The following DNM3 variants were observed in gnomAD, a reference collection of about 807,000 sequenced individuals.
DNM3 encodes the protein dynamin 3, also known as dynamin-3.
DNM3 carries 47 observed loss-of-function variants against 101.6 expected under a neutral mutation model. That is an observed-to-expected ratio of 0.46 (90% confidence interval 0.37 to 0.59). The LOEUF is 0.59. DNM3 is among the 20% of genes least tolerant of loss of function. The pLI is 0.00. For synonymous variants in DNM3, 385 were observed against 387.9 expected (o/e 0.99, Z 0.09); for missense variants, 849 against 1,085.7 (o/e 0.78, Z 3.06).
intron 14 of DNM3, among the ~76,000 whole-genome samples, chr1:172,206,969 G>T (rs2060344048): frequency 6.6e-6 from 1 of 151,992 alleles, no homozygotes. Flanking sequence ...CTTTGTCCAT[G>T]AGGTGCTCCT....
intron 4 of DNM3, among the ~76,000 whole-genome samples, chr1:172,003,334 C>A (rs1360097579): frequency 1.3e-5 from 2 of 151,912 alleles, no homozygotes; most frequent in Non-Finnish European, 2.9e-5. Flanking sequence ...CTAACATTTC[C>A]ATTAATGTAA....
At chr1:172,184,577 C>A (rs1169022607) in intron 14 of DNM3, among the ~76,000 whole-genome samples, 1 of 152,060 alleles carries the variant, frequency 6.6e-6, no homozygotes, top group Admixed American at 6.6e-5. Flanking sequence ...GTGCTCAGGG[C>A]CTAACTTGCC....
At chr1:171,870,430 C>A (rs2035160573) in intron 1 of DNM3, among the ~76,000 whole-genome samples, 1 of 151,854 alleles carries the variant, frequency 6.6e-6, no homozygotes, top group South Asian at 2.1e-4. Context: ...CAGAGTAAGA[C>A]TCCCTCCATC....
At chr1:171,856,079 G>T (rs2033581141) in intron 1 of DNM3, among the ~76,000 whole-genome samples, 1 of 152,102 alleles carries the variant, frequency 6.6e-6, no homozygotes, top group Non-Finnish European at 1.5e-5. Flanking sequence ...TCAATCTTCT[G>T]CATATGGCTA....
At chr1:172,167,000 A>G (rs1307300077) in intron 14 of DNM3, among the ~76,000 whole-genome samples, 1 of 151,598 alleles carries the variant, frequency 6.6e-6, no homozygotes, top group Non-Finnish European at 1.5e-5. Context: ...TACATGTGCC[A>G]TGTTGGTGTG....
rs571773722 is a variant in DNM3 at position 171,987,729 on chromosome 1, A to G, written c.309A>G (p.Ala103=). The G allele has an allele frequency of 3.1e-6, 5 of 1,604,212 alleles. No homozygotes were observed. The South Asian group carries it at 5.6e-5, about 18-fold the overall frequency. The change falls in exon 3 of 21, where the codon GCA becomes GCG. Residue 103 remains alanine (A), a synonymous_variant. Coordinates refer to ENST00000627582, the MANE Select transcript of DNM3 (RefSeq NM_015569.5). ...ATGAAGTTCGCCTTGAGATTGAAGC[A>G]GAAACAGATCGCGTGACTGGAATGA... is the stretch of plus-strand genomic sequence containing the variant. ...DFDEVRLEIE[A]ETDRVTGMNK... is the part of the protein sequence containing the mutation.
chr1:172,303,842 C>T (rs112260874), intron 15 of DNM3, among the ~76,000 whole-genome samples: 5,763 of 152,160 alleles, frequency 0.038, 343 homozygotes, highest in African/African-American at 0.12. Flanking sequence ...GAGATTTTGT[C>T]ACCACCAGAC....
chr1:171,897,816 C>T (rs2037945103), intron 1 of DNM3, among the ~76,000 whole-genome samples: 2 of 151,970 alleles, frequency 1.3e-5, no homozygotes, highest in Non-Finnish European at 2.9e-5. Flanking sequence ...TCAATTAGAC[C>T]AACTAGAAAA....
At chr1:171,927,057 GGAAA>G in intron 2 of DNM3, among the ~76,000 whole-genome samples, 1 of 152,128 alleles carries the variant, frequency 6.6e-6, no homozygotes, top group African/African-American at 2.4e-5. Context: ...GGACAGCTGG[GGAAA>G]GAAAGAAATA....
chr1:171,878,379 CTT>C (rs34181872), intron 1 of DNM3, among the ~76,000 whole-genome samples: 127 of 146,284 alleles, frequency 8.7e-4, no homozygotes, highest in Non-Finnish European at 8.0e-4. Flanking sequence ...AAATTCCTTT[CTT>C]TTTTTTTTTT....
At chr1:172,107,556 A>G (rs1310278515) in intron 13 of DNM3, among the ~76,000 whole-genome samples, 2 of 152,192 alleles carry the variant, frequency 1.3e-5, no homozygotes, top group African/African-American at 4.8e-5. Context: ...TTAGCAAAAG[A>G]CTAATTATAA....
chr1:171,944,377 A>ATTTG (rs2042016243), intron 2 of DNM3, among the ~76,000 whole-genome samples: 4 of 140,378 alleles, frequency 2.8e-5, no homozygotes, highest in African/African-American at 8.9e-5. Flanking sequence ...TTATTTATTT[A>ATTTG]TTTATTTGTT....
At chr1:172,116,150 G>A (rs2055874266) in intron 13 of DNM3, among the ~76,000 whole-genome samples, 1 of 152,124 alleles carries the variant, frequency 6.6e-6, no homozygotes. Flanking sequence ...GTTCTTTCTT[G>A]TTGGATTGTG....
intron 17 of DNM3, among the ~76,000 whole-genome samples, chr1:172,362,829 A>G (rs1021401463): frequency 1.3e-5 from 2 of 151,532 alleles, no homozygotes; most frequent in East Asian, 3.9e-4. Flanking sequence ...AGATTCTTCC[A>G]TCATTCAGAC....
chr1:172,104,630 G>T (rs540374069), intron 13 of DNM3, among the ~76,000 whole-genome samples: 21 of 151,414 alleles, frequency 1.4e-4, no homozygotes, highest in Non-Finnish European at 3.1e-4. Context: ...TATTTATAAG[G>T]TTCTTGAGGT....
At chr1:172,143,944 A>G (rs1558636214) in intron 14 of DNM3, among the ~76,000 whole-genome samples, 1 of 152,146 alleles carries the variant, frequency 6.6e-6, no homozygotes, top group Non-Finnish European at 1.5e-5. Flanking sequence ...AGCACTATCC[A>G]TATAGCATTT....
chr1:172,359,125 AACACACACACACAC>A lies in DNM3; in HGVS notation c.1894-19869_1894-19856del, dbSNP rs10683483. Reference sequence around the variant, plus strand: ...ATGGGCATCTGAACAACTCCCACAAAACACACACACACACACACACACACACACACACACACATT... The same window carrying A: ...ATGGGCATCTGAACAACTCCCACAAAACACACACACACACACACACACATT... On this transcript the variant is annotated intron_variant, in intron 17 of 20. Coordinates refer to ENST00000627582, the MANE Select transcript of DNM3 (RefSeq NM_015569.5). 4.5e-3 allele frequency among the ~76,000 whole-genome samples: 649 copies of A among 145,814 alleles called. 3 individuals carry two copies. The highest frequency in any genetic ancestry group is 0.016 in the South Asian group (71 of 4,380).
Position 172,247,656 on chromosome 1 carries a change from C to CTTTCTTATTTAT in DNM3, c.1660-5915_1660-5914insTCTTATTTATTT, listed in dbSNP as rs1553207717. Among the ~76,000 whole-genome samples the CTTTCTTATTTAT allele has an allele frequency of 9.2e-3, 1,240 of 135,364 alleles. 17 individuals are homozygous for CTTTCTTATTTAT. Among genetic ancestry groups the CTTTCTTATTTAT allele is most frequent in the Admixed American group, 0.036 (499 of 13,756 alleles). 88.8% of individuals were successfully genotyped at this position (135,364 alleles called of 152,430 possible). ...TCTCTTTATTACTCTATTATTATTT[C>CTTTCTTATTTAT]TTATTTATTTATTTATTTATTTATT... On this transcript the variant is annotated intron_variant, in intron 14 of 20. Transcript: ENST00000627582.
intron 14 of DNM3, among the ~76,000 whole-genome samples, chr1:172,227,895 A>T (rs2061193363): frequency 6.6e-6 from 1 of 150,548 alleles, no homozygotes; most frequent in African/African-American, 2.5e-5. Flanking sequence ...GTTCACACAC[A>T]TGTGTAATTT....
Sources: gnomAD v4.1 joint callset for allele counts (sites outside exome capture counted in the v4.1 genomes callset) on GRCh38, gnomAD v4.1.1 for gene constraint, MANE v1.5 for transcripts, NCBI Gene and HGNC (gene_info 2026-07-23, HGNC 2026-07-21) for gene names.